Variants in UST observed in about 807,000 individuals in gnomAD.
UST encodes uronyl 2-sulfotransferase, also known as chondroitin sulfate 2-O-sulfotransferase.
A neutral mutation model predicts 45.6 loss-of-function variants in UST; 21 were observed. That is an observed-to-expected ratio of 0.46 (90% CI 0.33 to 0.66). The LOEUF (loss-of-function observed/expected upper bound fraction) is 0.66, where lower values mean the gene tolerates loss of function less well. UST is among the 30% of genes least tolerant of loss of function. The pLI is 0.02. For synonymous variants in UST, 215 were observed against 200.6 expected (o/e 1.07, Z -0.61); for missense variants, 463 against 512.4 (o/e 0.90, Z 0.93).
At chr6:148,824,696 T>C (rs1475702950) in intron 1 of UST, among the ~76,000 whole-genome samples, 1 of 145,396 alleles carries the variant, frequency 6.9e-6, no homozygotes, top group Non-Finnish European at 1.5e-5. Flanking sequence ...TTTTTTATTA[T>C]ACTCTAAGTT....
chr6:148,770,340 A>G (rs561574347), intron 1 of UST, among the ~76,000 whole-genome samples: 29 of 150,644 alleles, frequency 1.9e-4, no homozygotes, highest in Non-Finnish European at 3.7e-4. Flanking sequence ...AGGGCATTCT[A>G]GATTCTAGAA....
At chr6:148,780,844 T>C (rs1270638570) in intron 1 of UST, among the ~76,000 whole-genome samples, 7 of 152,188 alleles carry the variant, frequency 4.6e-5, no homozygotes, top group Non-Finnish European at 1.5e-5. Flanking sequence ...GTTATGGGGA[T>C]CTGTGATGAA....
chr6:149,028,049 C>G (rs4377808), intron 7 of UST, among the ~76,000 whole-genome samples: 105,902 of 151,820 alleles, frequency 0.7, 37,720 homozygotes, highest in African/African-American at 0.84. Context: ...TCACCATGTT[C>G]ATCAGGCTGG....
chr6:148,973,748 C>T (rs1347842691), intron 5 of UST, among the ~76,000 whole-genome samples: 7 of 152,148 alleles, frequency 4.6e-5, no homozygotes, highest in Non-Finnish European at 8.8e-5. Flanking sequence ...AGTATAAATT[C>T]CCCAAAGGCT....
Position 149,051,159 on chromosome 6 carries a change from G to A in UST, c.938-22674G>A, listed in dbSNP as rs552467921. ...ACCAGCATCGACCAGAAGCCTCCACGGTGAAATATGGATTCCATGAGCTTG... is the reference window on the plus strand; with the variant it reads ...ACCAGCATCGACCAGAAGCCTCCACAGTGAAATATGGATTCCATGAGCTTG... On this transcript the variant is annotated intron_variant, in intron 7 of 7. Coordinates refer to ENST00000367463, the MANE Select transcript of UST (RefSeq NM_005715.3). 4.6e-4 allele frequency among the ~76,000 whole-genome samples: 70 copies of A among 152,240 alleles called. 1 individual carries two copies. Among genetic ancestry groups the A allele is most frequent in the African/African-American group, 1.6e-3 (68 of 41,526 alleles).
intron 7 of UST, among the ~76,000 whole-genome samples, chr6:149,043,015 C>CTTTCTTTCTTTCTT (rs770670199): frequency 0.024 from 2,884 of 119,360 alleles, 48 homozygotes; most frequent in African/African-American, 0.031. Context: ...TTCTTTCTTT[C>CTTTCTTTCTTTCTT]TTTCTTTTTC....
rs111620621 is a variant in UST, at chr6:148,889,414, T to A, written c.291+2385T>A. Among the ~76,000 whole-genome samples the A allele has an allele frequency of 6.6e-5, 10 of 152,228 alleles. 2 individuals are homozygous for A. The highest frequency in any genetic ancestry group is 2.4e-4 in the African/African-American group (10 of 41,536). On this transcript the variant is annotated intron_variant, in intron 2 of 7. Coordinates refer to ENST00000367463, the MANE Select transcript of UST (RefSeq NM_005715.3). Reference sequence around the variant, plus strand: ...TGTAGAGAAAACATTTTTAGAGGGGTCAGTTACCTGCCTAGGAGGGACAAT... The same window carrying A: ...TGTAGAGAAAACATTTTTAGAGGGGACAGTTACCTGCCTAGGAGGGACAAT...
intron 7 of UST, among the ~76,000 whole-genome samples, chr6:149,030,164 C>G (rs536317438): frequency 6.6e-6 from 1 of 152,214 alleles, no homozygotes; most frequent in Admixed American, 6.5e-5. Flanking sequence ...GGCTGAACAA[C>G]TTGCTCACAG....
intron 7 of UST, among the ~76,000 whole-genome samples, chr6:149,044,515 C>T (rs1032715767): frequency 5.3e-5 from 8 of 152,144 alleles, no homozygotes; most frequent in Non-Finnish European, 1.0e-4. Flanking sequence ...AAATGTAGTT[C>T]GCTGCCTTTC....
At chr6:148,835,376 T>C (rs902963569) in intron 1 of UST, among the ~76,000 whole-genome samples, 2 of 152,188 alleles carry the variant, frequency 1.3e-5, no homozygotes, top group South Asian at 4.1e-4. Flanking sequence ...TGAATACTGA[T>C]GGATGACTGA....
intron 7 of UST, among the ~76,000 whole-genome samples, chr6:149,058,669 A>C (rs1776607547): frequency 6.6e-6 from 1 of 152,240 alleles, no homozygotes; most frequent in Non-Finnish European, 1.5e-5. Context: ...AACAAACGTA[A>C]TAAAAACACA....
chr6:148,894,554 C>G (rs1779082681), intron 2 of UST, among the ~76,000 whole-genome samples: 1 of 152,134 alleles, frequency 6.6e-6, no homozygotes, highest in East Asian at 1.9e-4. Flanking sequence ...CCCTCCAAAC[C>G]CCCAGGCAGG....
chr6:148,795,371 G>A (rs779539701), intron 1 of UST, among the ~76,000 whole-genome samples: 1 of 152,136 alleles, frequency 6.6e-6, no homozygotes, highest in Non-Finnish European at 1.5e-5. Flanking sequence ...CTTTAAGGGT[G>A]GCCTGGCCTG....
At chr6:148,864,351 A>G (rs1778383732) in intron 1 of UST, among the ~76,000 whole-genome samples, 1 of 152,196 alleles carries the variant, frequency 6.6e-6, no homozygotes, top group Admixed American at 6.5e-5. Flanking sequence ...AGACCATTGG[A>G]AAATCGCAGT....
intron 1 of UST, among the ~76,000 whole-genome samples, chr6:148,823,365 G>C (rs189241820): frequency 2.1e-4 from 32 of 152,272 alleles, no homozygotes; most frequent in Non-Finnish European, 4.0e-4. Flanking sequence ...GTGGCCCTTT[G>C]CTCTAAGAAT....
intron 1 of UST, among the ~76,000 whole-genome samples, chr6:148,754,092 A>G (rs1429740851): frequency 6.6e-6 from 1 of 150,676 alleles, no homozygotes; most frequent in Non-Finnish European, 1.5e-5. Context: ...CCTCCCAGGT[A>G]CACGCCATTC....
In UST at chr6:148,747,206, GC is replaced by G. The variant is rs1043630978; in HGVS notation, c.-221del. On this transcript the variant is annotated 5_prime_UTR_variant, in exon 1 of 8. Transcript: ENST00000367463. The stretch of plus-strand genomic sequence containing the variant: ...GGCGCGGCGCCCCGTCACGGGCAGC[GC>G]CCCGAACCGGGGCCGGACACCTCGG... The G allele has an allele frequency of 9.1e-6, 3 of 330,288 alleles. No individual in the cohort carries two copies. The highest frequency in any genetic ancestry group is 6.5e-5 in the African/African-American group (3 of 46,108). The allele number at this position is 330,288 out of a possible 1,614,324, so 20.5% of individuals were successfully genotyped here.
intron 2 of UST, among the ~76,000 whole-genome samples, chr6:148,890,045 T>C (rs1778985377): frequency 6.6e-6 from 1 of 152,206 alleles, no homozygotes; most frequent in Non-Finnish European, 1.5e-5. Flanking sequence ...GAGCATAATC[T>C]CTTTAAATCA....
At chr6:148,791,223 A>G (rs1221729349) in intron 1 of UST, among the ~76,000 whole-genome samples, 1 of 152,206 alleles carries the variant, frequency 6.6e-6, no homozygotes, top group African/African-American at 2.4e-5. Context: ...AATGCACAGG[A>G]CAGTTCCCGC....
Sources: allele counts gnomAD v4.1 joint callset (sites outside exome capture counted in the v4.1 genomes callset), GRCh38; gene constraint gnomAD v4.1.1; transcripts MANE v1.5; gene names NCBI Gene and HGNC (gene_info 2026-07-23, HGNC 2026-07-21).